Variants in TMEM196 observed in about 807,000 individuals in gnomAD.
TMEM196 encodes the protein transmembrane protein 196.
In TMEM196, 17 loss-of-function variants were observed where a neutral mutation model predicts 20.0. That is an observed-to-expected ratio of 0.85 (90% CI 0.58 to 1.27). The LOEUF (loss-of-function observed/expected upper bound fraction) is 1.27. Among genes scored for constraint, TMEM196 ranks in the 50% most tolerant of loss-of-function variants. The pLI, the probability that TMEM196 is intolerant of heterozygous loss-of-function variation, is 0.00. For missense variants in TMEM196, 267 were observed against 223.0 expected (o/e 1.20, Z -1.26); for synonymous variants, 113 against 88.9 (o/e 1.27, Z -1.52).
At chr7:19,765,429 A>G (rs1785587646) in intron 1 of TMEM196, among the ~76,000 whole-genome samples, 1 of 152,174 alleles carries the variant, frequency 6.6e-6, no homozygotes, top group Admixed American at 6.5e-5. Flanking sequence ...GTATCTGTGA[A>G]TAATACATCA....
chr7:19,725,066 T>TG (rs750952420), intron 3 of TMEM196, among the ~76,000 whole-genome samples: 25 of 152,358 alleles, frequency 1.6e-4, no homozygotes, highest in Non-Finnish European at 2.6e-4. Flanking sequence ...CAAGGCTTTT[T>TG]GTCACCTTAT....
At chr7:19,726,716 T>C (rs1325488879) in intron 2 of TMEM196, among the ~76,000 whole-genome samples, 1 of 152,206 alleles carries the variant, frequency 6.6e-6, no homozygotes, top group Non-Finnish European at 1.5e-5. Flanking sequence ...ACTTTGTGAA[T>C]ATTTAATAAA....
At chr7:19,756,437 G>C (rs1583452088) in intron 1 of TMEM196, among the ~76,000 whole-genome samples, 1 of 151,810 alleles carries the variant, frequency 6.6e-6, no homozygotes, top group Non-Finnish European at 1.5e-5. Context: ...TTGTGTCATG[G>C]TGGTTTGTGG....
chr7:19,750,461 T>A (rs1194083365), intron 1 of TMEM196, among the ~76,000 whole-genome samples: 1 of 152,032 alleles, frequency 6.6e-6, no homozygotes, highest in Non-Finnish European at 1.5e-5. Flanking sequence ...GTAGTTGAGG[T>A]ATTTAATCAT....
At chr7:19,733,977 A>G (rs1443347402) in intron 1 of TMEM196, among the ~76,000 whole-genome samples, 1 of 152,174 alleles carries the variant, frequency 6.6e-6, no homozygotes, top group Non-Finnish European at 1.5e-5. Context: ...ACAGCAGTCT[A>G]CCAATGAGGG....
At chr7:19,731,224 G>T (rs1390492280) in intron 1 of TMEM196, among the ~76,000 whole-genome samples, 3 of 152,056 alleles carry the variant, frequency 2.0e-5, no homozygotes, top group Non-Finnish European at 2.9e-5. Context: ...TTTAGAAATA[G>T]ATCTAATAAA....
At chr7:19,729,608 T>TA (rs1784125548) in intron 1 of TMEM196, among the ~76,000 whole-genome samples, 170 bp from the exon 2 acceptor site, 1 of 152,180 alleles carries the variant, frequency 6.6e-6, no homozygotes, top group Non-Finnish European at 1.5e-5. Context: ...AGGATAAAAG[T>TA]ATAAACCCTA....
intron 1 of TMEM196, among the ~76,000 whole-genome samples, chr7:19,738,803 G>T (rs958188974): frequency 6.6e-6 from 1 of 152,080 alleles, no homozygotes; most frequent in Non-Finnish European, 1.5e-5. Flanking sequence ...ATGGAGAGAA[G>T]AGAAAAATCT....
chr7:19,736,385 ATATATATATAT>A (rs1562612275), intron 1 of TMEM196, among the ~76,000 whole-genome samples: 47 of 54,764 alleles, frequency 8.6e-4, no homozygotes, highest in Non-Finnish European at 1.2e-3. Flanking sequence ...ATATATATAT[ATATATATATAT>A]ATATAAATTA....
intron 1 of TMEM196, among the ~76,000 whole-genome samples, chr7:19,749,974 A>G (rs113267313): frequency 2.0e-5 from 3 of 152,186 alleles, no homozygotes; most frequent in Non-Finnish European, 2.9e-5. Flanking sequence ...GCAGCCTTTT[A>G]TATCCTAAAT....
At chr7:19,761,515 C>T (rs976492876) in intron 1 of TMEM196, among the ~76,000 whole-genome samples, 1 of 152,088 alleles carries the variant, frequency 6.6e-6, no homozygotes, top group African/African-American at 2.4e-5. Context: ...AAATGTACAA[C>T]AGACACGTTT....
intron 1 of TMEM196, among the ~76,000 whole-genome samples, chr7:19,766,724 C>T (rs1043023184): frequency 2.7e-5 from 4 of 150,686 alleles, no homozygotes; most frequent in African/African-American, 9.8e-5. Flanking sequence ...TATGCAAGTG[C>T]ATACACACAC....
intron 1 of TMEM196, among the ~76,000 whole-genome samples, chr7:19,739,343 A>G (rs1011515784): frequency 6.6e-6 from 1 of 152,178 alleles, no homozygotes; most frequent in Non-Finnish European, 1.5e-5. Flanking sequence ...ATTGTGTAAT[A>G]TAAGTATAAA....
rs186577522 is a variant in TMEM196, at chr7:19,761,825, C to T, written c.147+10725G>A. Among the ~76,000 whole-genome samples, 783 of 152,266 alleles carry T rather than the reference C, an allele frequency of 5.1e-3. 6 individuals are homozygous for T. The Middle Eastern group carries it at 0.065, about 13-fold the overall frequency. On this transcript the variant is annotated intron_variant, in intron 1 of 4. Coordinates refer to ENST00000405844, the MANE Select transcript of TMEM196 (RefSeq NM_001363562.2). ...TAAAGAAATCCAAGTCCAAAAAAAT[C>T]TCAGAAATTTCAAACTGGCCCAGGA...
At chr7:19,756,823 G>T (rs73084951) in intron 1 of TMEM196, among the ~76,000 whole-genome samples, 1 of 151,984 alleles carries the variant, frequency 6.6e-6, no homozygotes, top group Non-Finnish European at 1.5e-5. Flanking sequence ...TATATGAACC[G>T]CATTTTCTTT....
intron 1 of TMEM196, among the ~76,000 whole-genome samples, chr7:19,766,862 G>C (rs1314381409): frequency 2.0e-5 from 3 of 151,888 alleles, no homozygotes; most frequent in Non-Finnish European, 4.4e-5. Flanking sequence ...TAGATAGTTT[G>C]GTTCTATTCA....
intron 1 of TMEM196, among the ~76,000 whole-genome samples, chr7:19,742,351 C>CT (rs905547837): frequency 2.6e-5 from 4 of 152,178 alleles, no homozygotes; most frequent in African/African-American, 9.6e-5. Context: ...CTGTTGCCAT[C>CT]TTTTTTGTTT....
chr7:19,743,405 C>A (rs1325745564), intron 1 of TMEM196, among the ~76,000 whole-genome samples: 1 of 152,086 alleles, frequency 6.6e-6, no homozygotes, highest in South Asian at 2.1e-4. Flanking sequence ...TTGAAATAAA[C>A]ACAGGGAAGA....
In TMEM196 at chr7:19,758,919, T is replaced by G. The variant is rs118065484; in HGVS notation, c.147+13631A>C. On this transcript the variant is annotated intron_variant, in intron 1 of 4. Coordinates refer to ENST00000405844, the MANE Select transcript of TMEM196 (RefSeq NM_001363562.2). ...TCTCTTTTTTTACAGTAGACAAAGATGAGAATTAATAAAAAAAACTCCCCC... is the reference window on the plus strand; with the variant it reads ...TCTCTTTTTTTACAGTAGACAAAGAGGAGAATTAATAAAAAAAACTCCCCC... 3.3e-5 allele frequency among the ~76,000 whole-genome samples: 5 copies of G among 152,262 alleles called. No individual in the cohort carries two copies. In the East Asian group the frequency reaches 9.7e-4, roughly 29 times the overall value.
Sources: gnomAD v4.1 joint callset for allele counts (sites outside exome capture counted in the v4.1 genomes callset) on GRCh38, gnomAD v4.1.1 for gene constraint, MANE v1.5 for transcripts, NCBI Gene and HGNC (gene_info 2026-07-23, HGNC 2026-07-21) for gene names.